The following ARHGAP20 variants were observed in gnomAD, a reference collection of about 807,000 sequenced individuals.
ARHGAP20 encodes the protein Rho GTPase activating protein 20.
A neutral mutation model predicts 73.7 loss-of-function variants in ARHGAP20; 34 were observed. The ratio of observed to expected loss-of-function variants is 0.46; its 90% confidence interval spans 0.35 to 0.61. ARHGAP20 has a LOEUF of 0.61. Ranked by LOEUF, ARHGAP20 falls within the 20% of genes least tolerant of loss-of-function variation. ARHGAP20 has a pLI of 0.00. For missense variants in ARHGAP20, 1,314 were observed against 1,420.9 expected, an observed-to-expected ratio of 0.92 and a Z score of 1.21; for synonymous variants, 523 against 518.2, an observed-to-expected ratio of 1.01 and a Z score of -0.13.
chr11:110,696,132 T>TA (rs1192632950), intron 1 of ARHGAP20, among the ~76,000 whole-genome samples: 1 of 151,566 alleles, frequency 6.6e-6, no homozygotes, highest in African/African-American at 2.4e-5. Flanking sequence ...TATAGAGACT[T>TA]AAAGGTTTGT....
chr11:110,681,020 G>T (rs1347122361), intron 2 of ARHGAP20, among the ~76,000 whole-genome samples: 2 of 152,042 alleles, frequency 1.3e-5, no homozygotes, highest in Non-Finnish European at 2.9e-5. Context: ...CAGGCTACTG[G>T]CAATCTTCAA....
At chr11:110,701,220 T>C (rs112757053) in intron 1 of ARHGAP20, among the ~76,000 whole-genome samples, 12,102 of 151,028 alleles carry the variant, frequency 0.08, 675 homozygotes, top group Middle Eastern at 0.15. Context: ...AAAGTGTTCC[T>C]ATTTCTCCAC....
At chr11:110,590,299 G>C (rs945723150) in intron 11 of ARHGAP20, among the ~76,000 whole-genome samples, 11 of 152,224 alleles carry the variant, frequency 7.2e-5, no homozygotes, top group Non-Finnish European at 1.5e-4. Flanking sequence ...AAGGTAGTAA[G>C]AGAGTGAGGA....
chr11:110,712,106 G>T, intron 1 of ARHGAP20, 21 bp downstream of exon 1: 1 of 1,298,754 alleles, frequency 7.7e-7, no homozygotes, highest in Non-Finnish European at 9.8e-7. Flanking sequence ...GAGGGCACGG[G>T]CCCCCGCTCA....
intron 12 of ARHGAP20, among the ~76,000 whole-genome samples, chr11:110,584,972 A>ACTATATGAATATGAAT (rs1565421618): frequency 6.9e-6 from 1 of 145,950 alleles, no homozygotes; most frequent in Non-Finnish European, 1.5e-5. Flanking sequence ...TGAATATATG[A>ACTATATGAATATGAAT]ATATATATGT....
In ARHGAP20 at chr11:110,579,947, C is replaced by T. The variant is rs772783670; in HGVS notation, c.2999G>A (p.Gly1000Glu). The change falls in exon 15 of 15, where the codon GGA becomes GAA. Residue 1000 changes from glycine (G) to glutamate (E), a missense_variant. Gly to Glu is a moderately conservative substitution (Grantham distance 98). This residue lies in a region of ARHGAP20 where 641 missense variants were observed against 636.9 expected (regional missense o/e 1.01). Transcript: ENST00000683387. ...PDFSNASHVS[G>E]MPGPSSGQAC... ...CTGCCCTGATGAGGGACCGGGCATT[C>T]CGGAAACATGGCTGGCATTGCTAAA... is the stretch of plus-strand genomic sequence containing the variant. 1.2e-6 allele frequency: 2 copies of T among 1,614,074 alleles called. No individual in the cohort carries two copies. The highest frequency in any genetic ancestry group is 2.7e-5 in the African/African-American group (2 of 74,920).
chr11:110,589,467 A>G (rs1680681116), intron 11 of ARHGAP20: 2 of 985,446 alleles, frequency 2.0e-6, no homozygotes, highest in South Asian at 9.4e-5. Context: ...CTTCTTCACC[A>G]TATTTTCCTT....
intron 2 of ARHGAP20, among the ~76,000 whole-genome samples, chr11:110,682,052 T>G (rs71476971): frequency 0.13 from 20,336 of 152,194 alleles, 1,631 homozygotes; most frequent in South Asian, 0.29. Flanking sequence ...CTACCAAGAA[T>G]AAATCCAAAA....
At chr11:110,676,178 C>T (rs558470727) in intron 2 of ARHGAP20, among the ~76,000 whole-genome samples, 5 of 152,252 alleles carry the variant, frequency 3.3e-5, no homozygotes, top group African/African-American at 1.2e-4. Flanking sequence ...ATAAATACAG[C>T]AAGTGGAGAA....
At chr11:110,689,856 C>T (rs36034036) in intron 2 of ARHGAP20, among the ~76,000 whole-genome samples, 2,577 of 152,176 alleles carry the variant, frequency 0.017, 40 homozygotes, top group Non-Finnish European at 0.029. Context: ...GGTCAAGCTG[C>T]GTACTTGTCT....
chr11:110,588,660 A>C (rs1010749202), intron 11 of ARHGAP20, among the ~76,000 whole-genome samples: 1 of 152,320 alleles, frequency 6.6e-6, no homozygotes, highest in African/African-American at 2.4e-5. Context: ...ATATTTCTGC[A>C]ATTTGAAACA....
Position 110,578,260 on chromosome 11 carries a change from C to T in ARHGAP20, c.*1110G>A. 1 of 985,472 alleles carries T rather than the reference C, an allele frequency of 1.0e-6. No homozygotes were observed. The highest frequency in any genetic ancestry group is 1.2e-6 in the Non-Finnish European group (1 of 829,942). 61.0% of individuals were successfully genotyped at this position (985,472 alleles called of 1,614,324 possible). A position where few individuals can be genotyped will look rare whatever the true frequency, so the allele number is the denominator to read the frequency against. Reference sequence around the variant, plus strand: ...AGCAAAACCCAAAGCAAATGGCTGTCTGAGAAGGCCTGGCAGCCACTTTGT... The same window carrying T: ...AGCAAAACCCAAAGCAAATGGCTGTTTGAGAAGGCCTGGCAGCCACTTTGT... On this transcript the variant is annotated 3_prime_UTR_variant, in exon 15 of 15. Coordinates refer to ENST00000683387, the MANE Select transcript of ARHGAP20 (RefSeq NM_001384657.1).
chr11:110,644,356 T>G (rs1949140084), intron 2 of ARHGAP20, among the ~76,000 whole-genome samples: 1 of 152,124 alleles, frequency 6.6e-6, no homozygotes, highest in South Asian at 2.1e-4. Flanking sequence ...AAAGCAATCC[T>G]AAGTAATAAG....
At chr11:110,652,804 A>G (rs1365011840) in intron 2 of ARHGAP20, among the ~76,000 whole-genome samples, 1 of 152,172 alleles carries the variant, frequency 6.6e-6, no homozygotes, top group Non-Finnish European at 1.5e-5. Context: ...GAAAATGGCC[A>G]TATTGCTTCA....
At chr11:110,588,606 CAATCATTTGGAT>C (rs1382191241) in intron 11 of ARHGAP20, among the ~76,000 whole-genome samples, 2 of 152,144 alleles carry the variant, frequency 1.3e-5, no homozygotes, top group Non-Finnish European at 2.9e-5. Flanking sequence ...CCAGACTTTT[CAATCATTTGGAT>C]CATTTTTTGC....
At chr11:110,625,016 T>C (rs756825284) in intron 3 of ARHGAP20, among the ~76,000 whole-genome samples, 1 of 135,890 alleles carries the variant, frequency 7.4e-6, no homozygotes, top group African/African-American at 3.3e-5. Context: ...TTTATTTTTT[T>C]TTTATTTTTA....
intron 1 of ARHGAP20, among the ~76,000 whole-genome samples, chr11:110,703,121 G>C (rs1409999288): frequency 6.6e-6 from 1 of 151,956 alleles, no homozygotes; most frequent in African/African-American, 2.4e-5. Context: ...TTGTCAGTTT[G>C]GTCTGTGATA....
chr11:110,612,541 T>C (rs1051025537), intron 6 of ARHGAP20, among the ~76,000 whole-genome samples: 2 of 152,122 alleles, frequency 1.3e-5, no homozygotes, highest in African/African-American at 4.8e-5. Context: ...CAATGCTACA[T>C]TGTAAAAAAA....
At chr11:110,689,312 T>A (rs1393535468) in intron 2 of ARHGAP20, among the ~76,000 whole-genome samples, 1 of 152,078 alleles carries the variant, frequency 6.6e-6, no homozygotes, top group Non-Finnish European at 1.5e-5. Flanking sequence ...ATGTCATAGA[T>A]ATATCCTTGC....
Sources: gnomAD v4.1 joint callset for allele counts (sites outside exome capture counted in the v4.1 genomes callset) on GRCh38, gnomAD v4.1.1 for gene constraint, gnomAD v4.1.1 regional missense constraint, MANE v1.5 for transcripts, NCBI Gene and HGNC (gene_info 2026-07-23, HGNC 2026-07-21) for gene names.